The following KMT5A variants were observed in gnomAD, a reference collection of about 807,000 sequenced individuals.
KMT5A encodes N-lysine methyltransferase KMT5A.
A neutral mutation model predicts 40.6 loss-of-function variants in KMT5A; 6 were observed. That is an observed-to-expected ratio of 0.15 (90% CI 0.08 to 0.29). The LOEUF is 0.29. Ranked by LOEUF, KMT5A falls within the 10% of genes least tolerant of loss-of-function variation. The probability of loss-of-function intolerance (pLI) is 1.00; values close to 1 mark genes in which losing one functional copy is unlikely to be tolerated. For synonymous variants in KMT5A, 153 were observed against 178.8 expected (o/e 0.86, Z 1.15); for missense variants, 308 against 459.1 (o/e 0.67, Z 3.01).
rs57847836 is a variant in KMT5A at position 123,408,566 on chromosome 12, C to CTTTTTTTTTTTTTTTTTT, written c.*866_*883dup. ...GGTCTTGAAGTGAGTGAAGTGGCTG[C>CTTTTTTTTTTTTTTTTTT]TTTTTTTTTTTTTTTTTTTTGCTTT... On this transcript the variant is annotated 3_prime_UTR_variant, in exon 8 of 8. Transcript: ENST00000402868. The CTTTTTTTTTTTTTTTTTT allele has an allele frequency of 1.1e-4, 10 of 91,860 alleles. No individual in the cohort carries two copies. The highest frequency in any genetic ancestry group is 1.1e-3 in the East Asian group (3 of 2,758). 5.7% of individuals were successfully genotyped at this position (91,860 alleles called of 1,614,324 possible). A position where few individuals can be genotyped will look rare whatever the true frequency, so the allele number is the denominator to read the frequency against.
At chr12:123,401,440 T>C (rs964201827) in intron 5 of KMT5A, among the ~76,000 whole-genome samples, 2 of 130,282 alleles carry the variant, frequency 1.5e-5, no homozygotes, top group African/African-American at 2.9e-5. Flanking sequence ...ATATCTTTCT[T>C]TTTTTTTTAA....
rs1447496401 is a variant in KMT5A, at chr12:123,407,707, G to A, written c.*4G>A. 3 of 1,609,046 alleles carry A rather than the reference G, an allele frequency of 1.9e-6. No individual in the cohort carries two copies. Among genetic ancestry groups the A allele is most frequent in the Non-Finnish European group, 2.5e-6 (3 of 1,177,566 alleles). On this transcript the variant is annotated 3_prime_UTR_variant, in exon 8 of 8. Transcript: ENST00000402868. ...CCACCCGTGGCTGAAGCATTAACCG[G>A]TGGGCCCCGTGCCCTCCCCGCCCCA...
chr12:123,403,717 T>A, intron 6 of KMT5A, 85 bp downstream of exon 6: 1 of 1,508,936 alleles, frequency 6.6e-7, no homozygotes, highest in South Asian at 1.1e-5. Context: ...GTGGCCACCA[T>A]GTGGCTTTCA....
chr12:123,403,486 C>T, intron 5 of KMT5A, 87 bp from the exon 6 acceptor site: 4 of 1,474,062 alleles, frequency 2.7e-6, no homozygotes, highest in South Asian at 1.2e-5. Flanking sequence ...TGGGCATGGC[C>T]TGGGCAATCA....
At chr12:123,396,254 T>G in intron 4 of KMT5A, 91 bp from the exon 5 acceptor site, 4 of 1,180,162 alleles carry the variant, frequency 3.4e-6, no homozygotes, top group Non-Finnish European at 5.0e-6. Context: ...CAAGGAGCTG[T>G]GTGCCTCCTC....
chr12:123,397,481 C>G (rs957666226), intron 5 of KMT5A, among the ~76,000 whole-genome samples: 2 of 152,074 alleles, frequency 1.3e-5, no homozygotes, highest in Non-Finnish European at 2.9e-5. Context: ...ACACAGTGGT[C>G]TAGTATTCTT....
chr12:123,385,492 G>A (rs1260187293), intron 1 of KMT5A, among the ~76,000 whole-genome samples: 1 of 152,114 alleles, frequency 6.6e-6, no homozygotes. Flanking sequence ...TGTTTTAAAA[G>A]TAGTGCATTA....
At chr12:123,397,104 C>T (rs756430252) in intron 5 of KMT5A, among the ~76,000 whole-genome samples, 1 of 152,364 alleles carries the variant, frequency 6.6e-6, no homozygotes, top group Middle Eastern at 3.4e-3. Flanking sequence ...ACGCTGCTGC[C>T]ATACTAGGAG....
intron 3 of KMT5A, among the ~76,000 whole-genome samples, chr12:123,393,685 G>A (rs765951456): frequency 6.6e-6 from 1 of 151,962 alleles, no homozygotes; most frequent in East Asian, 1.9e-4. Flanking sequence ...GATTATAGGC[G>A]CACACCACCA....
rs1186901446 is a variant in KMT5A at position 123,409,309 on chromosome 12, GTCA to G, written c.*1611_*1613del. 1 of 152,614 alleles carries G rather than the reference GTCA, an allele frequency of 6.6e-6. No homozygotes were observed. The highest frequency in any genetic ancestry group is 1.5e-5 in the Non-Finnish European group (1 of 68,046). 9.5% of individuals were successfully genotyped at this position (152,614 alleles called of 1,614,324 possible). A position where few individuals can be genotyped will look rare whatever the true frequency, so the allele number is the denominator to read the frequency against. On this transcript the variant is annotated 3_prime_UTR_variant, in exon 8 of 8. Transcript: ENST00000402868. ...AAGGAAATAAACTTGAAAATTATTT[GTCA>G]TCATAAAAATGAAACAAATTAAAAT...
At chr12:123,394,546 A>G (rs1338403140) in intron 3 of KMT5A, among the ~76,000 whole-genome samples, 1 of 152,204 alleles carries the variant, frequency 6.6e-6, no homozygotes, top group Non-Finnish European at 1.5e-5. Context: ...CACCATGCTG[A>G]GAACTGCTGT....
intron 1 of KMT5A, among the ~76,000 whole-genome samples, chr12:123,387,121 T>A (rs934724337): frequency 2.6e-5 from 4 of 152,220 alleles, no homozygotes; most frequent in Admixed American, 2.6e-4. Context: ...CCTCCCAAGG[T>A]GCTGGGATTA....
intron 6 of KMT5A, among the ~76,000 whole-genome samples, chr12:123,404,408 G>A (rs955926874): frequency 7.2e-5 from 11 of 152,168 alleles, no homozygotes; most frequent in Admixed American, 3.9e-4. Flanking sequence ...GAGAGAAATC[G>A]TGGAATGAGG....
chr12:123,392,292 G>A (rs1216422512), intron 3 of KMT5A, among the ~76,000 whole-genome samples: 1 of 152,152 alleles, frequency 6.6e-6, no homozygotes, highest in African/African-American at 2.4e-5. Context: ...TCTATACATT[G>A]TACCAAATGG....
chr12:123,397,532 A>G (rs567496400), intron 5 of KMT5A, among the ~76,000 whole-genome samples: 3 of 152,152 alleles, frequency 2.0e-5, no homozygotes, highest in African/African-American at 7.2e-5. Flanking sequence ...TTTAAAAAAA[A>G]TTTTTAAAAA....
chr12:123,392,006 C>T (rs1877351271), intron 3 of KMT5A, among the ~76,000 whole-genome samples: 1 of 152,164 alleles, frequency 6.6e-6, no homozygotes, highest in Non-Finnish European at 1.5e-5. Context: ...AAGAAGGAGG[C>T]TTAGATAGGT....
chr12:123,396,238 C>A, intron 4 of KMT5A, 107 bp from the exon 5 acceptor site: 1 of 1,003,832 alleles, frequency 1.0e-6, no homozygotes, highest in Non-Finnish European at 1.5e-6. Context: ...TAAGTGACAT[C>A]ATCTCCAAGG....
intron 3 of KMT5A, chr12:123,391,013 G>T: frequency 1.9e-6 from 1 of 524,742 alleles, no homozygotes; most frequent in Non-Finnish European, 3.4e-6. Context: ...TATCCTTCAA[G>T]CTTGATTGTC....
chr12:123,385,327 C>T (rs2139149832), intron 1 of KMT5A, among the ~76,000 whole-genome samples: 1 of 152,218 alleles, frequency 6.6e-6, no homozygotes, highest in East Asian at 1.9e-4. Context: ...TCACTCAACT[C>T]TTGGAGAAAA....
Sources: gnomAD v4.1 joint callset for allele counts (sites outside exome capture counted in the v4.1 genomes callset) on GRCh38, gnomAD v4.1.1 for gene constraint, MANE v1.5 for transcripts, NCBI Gene and HGNC (gene_info 2026-07-23, HGNC 2026-07-21) for gene names.